GPHN: variants seen among roughly 807,000 people sequenced by gnomAD.
The protein encoded by GPHN is gephyrin.
A neutral mutation model predicts 95.5 loss-of-function variants in GPHN; 17 were observed. That is an observed-to-expected ratio of 0.18 (90% confidence interval 0.12 to 0.27). The LOEUF (loss-of-function observed/expected upper bound fraction) is 0.27, where lower values mean the gene tolerates loss of function less well. Ranked by LOEUF, GPHN falls within the 10% of genes least tolerant of loss-of-function variation. The pLI is 1.00. For synonymous variants in GPHN, 320 were observed against 322.5 expected (o/e 0.99, Z 0.08); for missense variants, 660 against 978.1 (o/e 0.67, Z 4.34).
chr14:66,587,597 C>G (rs959569398), intron 1 of GPHN, among the ~76,000 whole-genome samples: 1 of 152,022 alleles, frequency 6.6e-6, no homozygotes, highest in African/African-American at 2.4e-5. Context: ...AGGTCATACA[C>G]TACATTAACA....
chr14:67,030,466 G>C (rs1653463665), intron 10 of GPHN, among the ~76,000 whole-genome samples: 1 of 151,866 alleles, frequency 6.6e-6, no homozygotes, highest in Non-Finnish European at 1.5e-5. Context: ...CTTACTATTG[G>C]CTTCTGCTTA....
the GPHN span, among the ~76,000 whole-genome samples, chr14:67,367,707 C>G: frequency 2.0e-5 from 3 of 148,232 alleles, no homozygotes; most frequent in Non-Finnish European, 4.4e-5. Flanking sequence ...CGTGGTGGTG[C>G]ACCCTGTAGT....
At chr14:67,579,401 T>A in the GPHN span, 1 of 1,023,790 alleles carries the variant, frequency 9.8e-7, no homozygotes, top group African/African-American at 1.6e-5. Flanking sequence ...CTTGGCAGAT[T>A]GTTCACTGTT....
intron 1 of GPHN, among the ~76,000 whole-genome samples, chr14:66,632,410 C>T (rs1002475710): frequency 2.0e-5 from 3 of 151,756 alleles, no homozygotes; most frequent in African/African-American, 7.3e-5. Context: ...TTGATCCAGG[C>T]GCAGATTTGC....
chr14:67,370,104 C>T, the GPHN span, among the ~76,000 whole-genome samples: 9 of 152,276 alleles, frequency 5.9e-5, no homozygotes, highest in Non-Finnish European at 1.2e-4. Context: ...AGGAACACGT[C>T]CTTAAGACAC....
At chr14:67,693,517 GA>G in the GPHN span, among the ~76,000 whole-genome samples, 19,890 of 145,896 alleles carry the variant, frequency 0.14, 1,344 homozygotes, top group East Asian at 0.22. Flanking sequence ...AAATAAACAA[GA>G]AAAAAAAAAC....
chr14:67,490,336 C>T, the GPHN span, among the ~76,000 whole-genome samples: 13 of 152,196 alleles, frequency 8.5e-5, no homozygotes, highest in Admixed American at 5.2e-4. Flanking sequence ...GCAGAGTGGG[C>T]GGCCTGGGTT....
At chr14:67,226,384 C>T in the GPHN span, among the ~76,000 whole-genome samples, 5,307 of 148,000 alleles carry the variant, frequency 0.036, 103 homozygotes, top group African/African-American at 0.046. Flanking sequence ...TTTTTTGAGA[C>T]GGAGTCTCGC....
At chr14:67,589,167 A>G in the GPHN span, 17,214 of 173,532 alleles carry the variant, frequency 0.099, 929 homozygotes, top group Middle Eastern at 0.15. Context: ...GTAGGAGTCC[A>G]AAGGAAGAGT....
intron 9 of GPHN, among the ~76,000 whole-genome samples, chr14:67,004,103 A>G (rs917591110): frequency 1.3e-5 from 2 of 151,760 alleles, no homozygotes; most frequent in Non-Finnish European, 3.0e-5. Flanking sequence ...CTAATTCATC[A>G]TGAATGTAAA....
chr14:67,243,161 A>G, the GPHN span, among the ~76,000 whole-genome samples: 1 of 151,904 alleles, frequency 6.6e-6, no homozygotes, highest in Non-Finnish European at 1.5e-5. Flanking sequence ...GTATCTTGAC[A>G]TATGTGCTTA....
chr14:67,624,917 G>C, the GPHN span, among the ~76,000 whole-genome samples: 2 of 152,168 alleles, frequency 1.3e-5, no homozygotes, highest in African/African-American at 2.4e-5. Context: ...TCCCAGATCA[G>C]CTGTAGCCTG....
chr14:67,231,559 C>T, the GPHN span, among the ~76,000 whole-genome samples: 8 of 152,162 alleles, frequency 5.3e-5, no homozygotes, highest in Admixed American at 5.2e-4. Context: ...CAGCCTGAGC[C>T]ACTGGGTCCA....
the GPHN span, chr14:67,312,574 T>C: frequency 1.2e-6 from 2 of 1,613,170 alleles, no homozygotes; most frequent in Non-Finnish European, 1.7e-6. Flanking sequence ...ATGACCCTTA[T>C]GTTCCATGTC....
chr14:66,722,127 G>A (rs1289714518), intron 2 of GPHN, among the ~76,000 whole-genome samples: 1 of 151,628 alleles, frequency 6.6e-6, no homozygotes, highest in Non-Finnish European at 1.5e-5. Flanking sequence ...TATTTTATAA[G>A]CACATATAGA....
chr14:67,671,940 C>T, the GPHN span, among the ~76,000 whole-genome samples: 8 of 152,164 alleles, frequency 5.3e-5, no homozygotes, highest in African/African-American at 1.9e-4. Context: ...ATGGGTCCCA[C>T]CTCTTAATGC....
chr14:67,069,046 G>A (rs1480217120), intron 11 of GPHN, among the ~76,000 whole-genome samples: 2 of 152,122 alleles, frequency 1.3e-5, no homozygotes, highest in Non-Finnish European at 2.9e-5. Flanking sequence ...AAGTAGCTTT[G>A]TCAAGACACT....
intron 1 of GPHN, among the ~76,000 whole-genome samples, chr14:66,592,159 G>A (rs971085547): frequency 2.9e-4 from 44 of 152,086 alleles, no homozygotes; most frequent in Non-Finnish European, 5.7e-4. Flanking sequence ...AACTCAAGAT[G>A]GATTAAATAC....
the GPHN span, among the ~76,000 whole-genome samples, chr14:67,378,513 A>C: frequency 6.6e-6 from 1 of 152,210 alleles, no homozygotes; most frequent in African/African-American, 2.4e-5. Context: ...TCATAGAGCC[A>C]GGCAGTATTC....
Sources: allele counts gnomAD v4.1 joint callset (sites outside exome capture counted in the v4.1 genomes callset), GRCh38; gene constraint gnomAD v4.1.1; transcripts MANE v1.5; gene names NCBI Gene and HGNC (gene_info 2026-07-23, HGNC 2026-07-21).